KLHL26: variants seen among roughly 807,000 people sequenced by gnomAD.
The protein encoded by KLHL26 is kelch-like protein 26.
Under a neutral mutation model 7.1 loss-of-function variants are expected in KLHL26, and 4 were observed. The observed-to-expected ratio is 0.56, with a 90% CI of 0.28 to 1.28. The LOEUF is 1.28. KLHL26 is among the 50% of genes most tolerant of loss of function. The pLI is 0.11. For missense variants in KLHL26, 896 were observed against 924.6 expected, an observed-to-expected ratio of 0.97 and a Z score of 0.40; for synonymous variants, 465 against 414.1, an observed-to-expected ratio of 1.12 and a Z score of -1.49.
intron 1 of KLHL26, among the ~76,000 whole-genome samples, chr19:18,645,338 G>C (rs1461845160): frequency 6.6e-6 from 1 of 152,218 alleles, no homozygotes; most frequent in African/African-American, 2.4e-5. Flanking sequence ...GACCGGCAGA[G>C]TTTTGGAGGA....
At chr19:18,662,862 A>G (rs2052405549) in intron 1 of KLHL26, among the ~76,000 whole-genome samples, 1 of 151,922 alleles carries the variant, frequency 6.6e-6, no homozygotes, top group Non-Finnish European at 1.5e-5. Flanking sequence ...GGAGGGGAGG[A>G]AGGGAGGAGG....
intron 1 of KLHL26, among the ~76,000 whole-genome samples, chr19:18,642,051 G>A (rs1156370735): frequency 6.6e-6 from 1 of 152,192 alleles, no homozygotes; most frequent in Non-Finnish European, 1.5e-5. Context: ...CCCCTAATGT[G>A]GCAAGATGGA....
At chr19:18,637,621 G>T (rs58837313) in intron 1 of KLHL26, among the ~76,000 whole-genome samples, 1 of 151,088 alleles carries the variant, frequency 6.6e-6, no homozygotes, top group East Asian at 2.0e-4. Context: ...GCTGAGGGGC[G>T]CTGGAAGGAG....
intron 1 of KLHL26, among the ~76,000 whole-genome samples, chr19:18,639,861 C>G (rs1352570304): frequency 6.6e-6 from 1 of 152,076 alleles, no homozygotes; most frequent in Non-Finnish European, 1.5e-5. Flanking sequence ...ACATCCTGAT[C>G]TGCTTTCACT....
rs867128560 is a variant in KLHL26 at position 18,641,615 on chromosome 19, G to T, written c.83+4478G>T. ...ATTAGAGGCATGAGCCACCACACCCGGCTCTTTTTCTTTTTTCTTTTTTTT... is the reference window on the plus strand; with the variant it reads ...ATTAGAGGCATGAGCCACCACACCCTGCTCTTTTTCTTTTTTCTTTTTTTT... On this transcript the variant is annotated intron_variant, in intron 1 of 2. Transcript: ENST00000300976. 2.1e-5 allele frequency among the ~76,000 whole-genome samples: 3 copies of T among 143,346 alleles called. No homozygotes were observed. In the South Asian group the frequency reaches 6.6e-4, roughly 31 times the overall value. The allele number at this position is 143,346 out of a possible 152,430, so 94.0% of individuals were successfully genotyped here. A position where few individuals can be genotyped will look rare whatever the true frequency, so the allele number is the denominator to read the frequency against.
chr19:18,658,096 G>T (rs941917094), intron 1 of KLHL26, among the ~76,000 whole-genome samples: 1 of 150,000 alleles, frequency 6.7e-6, no homozygotes, highest in African/African-American at 2.5e-5. Flanking sequence ...GACTGCAGCT[G>T]CTGGTGGCCA....
At chr19:18,663,315 G>A (rs1030353327) in intron 1 of KLHL26, among the ~76,000 whole-genome samples, 48 of 152,182 alleles carry the variant, frequency 3.2e-4, no homozygotes, top group African/African-American at 9.2e-4. Context: ...CTTTCCCAAG[G>A]GTCTCTGGAA....
At position 18,640,869 on chromosome 19, in the gene KLHL26, T is replaced by C. The variant is rs376355431; in HGVS notation, c.83+3732T>C. Reference sequence around the variant, plus strand: ...TTAATTTTTAGGAAACTGCCAAGCTTGTTCCCAAAGTGGCTGTACCATTTT... The same window carrying C: ...TTAATTTTTAGGAAACTGCCAAGCTCGTTCCCAAAGTGGCTGTACCATTTT... On this transcript the variant is annotated intron_variant, in intron 1 of 2. Transcript: ENST00000300976. Among the ~76,000 whole-genome samples the C allele has an allele frequency of 6.6e-4, 100 of 152,230 alleles. 1 individual carries two copies. In the South Asian group the frequency reaches 0.021, roughly 32 times the overall value.
intron 1 of KLHL26, among the ~76,000 whole-genome samples, chr19:18,661,431 C>T (rs1027468515): frequency 6.6e-6 from 1 of 152,156 alleles, no homozygotes; most frequent in Non-Finnish European, 1.5e-5. Flanking sequence ...CTCAGTTCTC[C>T]AGATATGTTC....
At chr19:18,637,246 G>A in intron 1 of KLHL26, 109 bp downstream of exon 1, 1 of 1,127,090 alleles carries the variant, frequency 8.9e-7, no homozygotes, top group Non-Finnish European at 1.1e-6. Context: ...ACGGCTCGAG[G>A]GTCTTTCGCT....
intron 1 of KLHL26, 67 bp from the exon 2 acceptor site, chr19:18,664,194 T>C: frequency 7.1e-7 from 1 of 1,407,244 alleles, no homozygotes. Context: ...GCACTGAGTG[T>C]TGTGTTCAAG....
chr19:18,639,403 G>GTTTTTTTTTTTTT (rs34034254), intron 1 of KLHL26, among the ~76,000 whole-genome samples: 2 of 71,188 alleles, frequency 2.8e-5, no homozygotes, highest in Non-Finnish European at 5.2e-5. Flanking sequence ...TTATCATTAA[G>GTTTTTTTTTTTTT]TTTTTTTTTT....
In KLHL26 at chr19:18,649,836, C is replaced by T. The variant is rs2145382142; in HGVS notation, c.83+12699C>T. Among the ~76,000 whole-genome samples the T allele has an allele frequency of 6.6e-6, 1 of 152,326 alleles. No individual in the cohort carries two copies. Among genetic ancestry groups the T allele is most frequent in the African/African-American group, 2.4e-5 (1 of 41,576 alleles). ...ACAGGACTCGTCTCCAACGGCTGCG[C>T]CAGCAATTCCCTAGCATTCCTCCTC... On this transcript the variant is annotated intron_variant, in intron 1 of 2. Coordinates refer to ENST00000300976, the MANE Select transcript of KLHL26 (RefSeq NM_018316.3). This position sits in a 1 kb window ranked among gnomAD's most constrained non-coding sequence, Gnocchi z 4.0.
intron 1 of KLHL26, among the ~76,000 whole-genome samples, chr19:18,640,189 G>A (rs1568453189): frequency 2.0e-5 from 3 of 151,746 alleles, no homozygotes; most frequent in Non-Finnish European, 4.4e-5. Flanking sequence ...CATCCTCTTG[G>A]GTAAATACTT....
chr19:18,668,220 G>A lies in KLHL26; in HGVS notation c.823G>A (p.Val275Met), dbSNP rs751274742. The change falls in exon 3 of 3, where the codon GTG (valine) becomes ATG (methionine). Residue 275 changes from valine (V) to methionine (M), a missense_variant. By Grantham distance (21) the Val-to-Met change is conservative (BLOSUM62 1). Coordinates refer to ENST00000300976, the MANE Select transcript of KLHL26 (RefSeq NM_018316.3). ...VQTLDIMVED[V>M]LCRQYLLEAF... ...GACGCTGGACATCATGGTGGAGGACGTGCTGTGCCGCCAGTATCTGCTGGA... is the reference window on the plus strand; with the variant it reads ...GACGCTGGACATCATGGTGGAGGACATGCTGTGCCGCCAGTATCTGCTGGA... 16 of 1,611,946 alleles carry A rather than the reference G, an allele frequency of 9.9e-6. No homozygotes were observed. Among genetic ancestry groups the A allele is most frequent in the Non-Finnish European group, 1.4e-5 (16 of 1,179,884 alleles).
chr19:18,668,523 GGCGAGGGC>G lies in KLHL26; in HGVS notation c.1129_1136del (p.Glu377SerfsTer60). 6.3e-7 allele frequency: 1 copy of G among 1,599,160 alleles called. No individual in the cohort carries two copies. The highest frequency in any genetic ancestry group is 1.1e-5 in the South Asian group (1 of 90,796). On this transcript the variant is annotated frameshift_variant, in exon 3 of 3. Coordinates refer to ENST00000300976, the MANE Select transcript of KLHL26 (RefSeq NM_018316.3). LOFTEE classifies it low-confidence loss of function (END_TRUNC). ...GGGGCAGCACCTGCAGTACCGCAGCGGCGAGGGCGCAGTGGACGCCTGCTACCGCTACG... is the reference window on the plus strand; with the variant it reads ...GGGGCAGCACCTGCAGTACCGCAGCGGCAGTGGACGCCTGCTACCGCTACG...
At position 18,641,170 on chromosome 19, in the gene KLHL26, A is replaced by G. The variant is rs182554336; in HGVS notation, c.83+4033A>G. Among the ~76,000 whole-genome samples the G allele has an allele frequency of 2.9e-3, 440 of 151,858 alleles. 3 individuals carry two copies. Among genetic ancestry groups the G allele is most frequent in the African/African-American group, 0.01 (427 of 41,374 alleles). ...AATAAGTGGGATTACAGGTGTGCACACCACTGTTCCCAGTCTTATTTTGGT... is the reference window on the plus strand; with the variant it reads ...AATAAGTGGGATTACAGGTGTGCACGCCACTGTTCCCAGTCTTATTTTGGT... On this transcript the variant is annotated intron_variant, in intron 1 of 2. Transcript: ENST00000300976.
rs2052249010 is a variant in KLHL26, at chr19:18,650,963, A to G, written c.84-13298A>G. ...GCAGCTGGAAAAGTGTTAAGGCCACAGTGGTTTTTCCAGAGGCTCGTCTGG... is the reference window on the plus strand; with the variant it reads ...GCAGCTGGAAAAGTGTTAAGGCCACGGTGGTTTTTCCAGAGGCTCGTCTGG... On this transcript the variant is annotated intron_variant, in intron 1 of 2. Coordinates refer to ENST00000300976, the MANE Select transcript of KLHL26 (RefSeq NM_018316.3). The surrounding 1 kb of genome is among the most constrained non-coding windows in gnomAD (Gnocchi z 4.2). Among the ~76,000 whole-genome samples, 1 of 151,898 alleles carries G rather than the reference A, an allele frequency of 6.6e-6. No individual in the cohort carries two copies. Among genetic ancestry groups the G allele is most frequent in the Non-Finnish European group, 1.5e-5 (1 of 67,986 alleles).
At chr19:18,664,668 G>A (rs1363975152) in intron 2 of KLHL26, among the ~76,000 whole-genome samples, 2 of 151,574 alleles carry the variant, frequency 1.3e-5, no homozygotes, top group Non-Finnish European at 2.9e-5. Context: ...TGCAACCTCC[G>A]CCTCCTGGGT....
Sources: gnomAD v4.1 joint callset for allele counts (sites outside exome capture counted in the v4.1 genomes callset) on GRCh38, gnomAD v4.1.1 for gene constraint, Gnocchi (gnomAD v3.1) non-coding constraint, MANE v1.5 for transcripts, NCBI Gene and HGNC (gene_info 2026-07-23, HGNC 2026-07-21) for gene names.